PAK3: variants seen among roughly 807,000 people sequenced by gnomAD.
The protein encoded by PAK3 is serine/threonine-protein kinase PAK 3.
Under a neutral mutation model 41.0 loss-of-function variants are expected in PAK3, and 4 were observed. The ratio of observed to expected loss-of-function variants is 0.10; its 90% confidence interval spans 0.05 to 0.22. PAK3 has a LOEUF of 0.22. Ranked by LOEUF, PAK3 falls within the 10% of genes least tolerant of loss-of-function variation. PAK3 has a pLI of 1.00. For synonymous variants in PAK3, 146 were observed against 139.6 expected, an observed-to-expected ratio of 1.05 and a Z score of -0.32; for missense variants, 205 against 409.9, an observed-to-expected ratio of 0.50 and a Z score of 4.32.
chrX:111,082,987 G>T (rs976656780), intron 1 of PAK3, among the ~76,000 whole-genome samples: 3 of 112,137 alleles, frequency 2.7e-5, no homozygotes, highest in Non-Finnish European at 5.6e-5. Flanking sequence ...TGATGATTAG[G>T]ATATGGATTA....
chrX:111,045,391 C>T (rs890894625), intron 1 of PAK3, among the ~76,000 whole-genome samples: 3 of 111,834 alleles, frequency 2.7e-5, no homozygotes, highest in African/African-American at 9.7e-5. Context: ...ATTTTGAGCA[C>T]AGCATTTCTA....
At position 110,990,675 on chromosome X, in the gene PAK3, CA is replaced by C. The variant is rs201917150; in HGVS notation, c.-28+46048del. ...AAAAAAAGGATATTCTTTTACTGGT[CA>C]GGGGCAACAGCACAAATAAGGGCTG... On this transcript the variant is annotated intron_variant, in intron 1 of 14. Coordinates refer to the PAK3 transcript ENST00000425146. Among the ~76,000 whole-genome samples the C allele has an allele frequency of 5.5e-4, 61 of 110,436 alleles. No homozygotes were observed. The East Asian group carries it at 0.015, about 27-fold the overall frequency.
chrX:111,091,883 C>CT (rs1025401535), upstream of PAK3, among the ~76,000 whole-genome samples: 7 of 110,312 alleles, frequency 6.3e-5, no homozygotes, highest in East Asian at 2.0e-3. Context: ...AGTGGGGACA[C>CT]TTTTTTTTTA....
chrX:110,982,882 T>C (rs1388901748), intron 1 of PAK3, among the ~76,000 whole-genome samples: 3 of 109,850 alleles, frequency 2.7e-5, no homozygotes, highest in African/African-American at 1.0e-4. Flanking sequence ...TGAGAAACAC[T>C]GGAGGAAGTG....
Position 111,160,573 on chromosome X carries a change from A to G in PAK3, c.469-2342A>G, listed in dbSNP as rs374570885. On this transcript the variant is annotated intron_variant, in intron 8 of 17. Coordinates refer to ENST00000372007, the MANE Select transcript of PAK3 (RefSeq NM_002578.5). ...GTTGGTGTGCTGCACCCATTAACTC[A>G]TCATTTAGCATTAGGTATATCACCT... Among the ~76,000 whole-genome samples the G allele has an allele frequency of 3.9e-3, 423 of 108,773 alleles. 8 individuals are homozygous for G. The highest frequency in any genetic ancestry group is 0.037 in the East Asian group (129 of 3,448). 94.5% of individuals were successfully genotyped at this position (108,773 alleles called of 115,157 possible). A position where few individuals can be genotyped will look rare whatever the true frequency, so the allele number is the denominator to read the frequency against.
intron 16 of PAK3, among the ~76,000 whole-genome samples, chrX:111,215,438 C>A (rs1569472703): frequency 9.4e-6 from 1 of 105,937 alleles, no homozygotes; most frequent in Non-Finnish European, 1.9e-5. Context: ...ACTCTGGAGG[C>A]TGAGGCGGGA....
At chrX:111,054,396 T>C (rs1317515688) in intron 1 of PAK3, among the ~76,000 whole-genome samples, 1 of 112,431 alleles carries the variant, frequency 8.9e-6, no homozygotes, top group Admixed American at 9.4e-5. Flanking sequence ...ACCAATCAAA[T>C]GATTTTTAAA....
rs138939601 is a variant in PAK3, at chrX:111,179,529, A to G, written c.830+6448A>G. Among the ~76,000 whole-genome samples, 672 of 111,745 alleles carry G rather than the reference A, an allele frequency of 6.0e-3. 8 individuals are homozygous for G. Among genetic ancestry groups the G allele is most frequent in the African/African-American group, 0.02 (626 of 30,900 alleles). ...TAAATATTTATCAACAATTTTTAAT[A>G]AAATCACAATGCCATTACATCTACA... On this transcript the variant is annotated intron_variant, in intron 11 of 17. Coordinates refer to ENST00000372007, the MANE Select transcript of PAK3 (RefSeq NM_002578.5).
At chrX:111,165,845 T>A (rs1043427249) in intron 10 of PAK3, among the ~76,000 whole-genome samples, 6 of 112,248 alleles carry the variant, frequency 5.3e-5, no homozygotes, top group Non-Finnish European at 7.5e-5. Flanking sequence ...AAAATCTTGT[T>A]TTGCTTGTAA....
intron 1 of PAK3, among the ~76,000 whole-genome samples, chrX:110,998,353 T>A (rs1332429042): frequency 8.9e-6 from 1 of 111,960 alleles, no homozygotes; most frequent in East Asian, 2.8e-4. Context: ...GAGAAGGTGA[T>A]TCAAGGAAGA....
In PAK3 at chrX:111,009,485, A is replaced by C. The variant is rs1321250538; in HGVS notation, c.-28+64857A>C. Among the ~76,000 whole-genome samples, 8 of 24,691 alleles carry C rather than the reference A, an allele frequency of 3.2e-4. No homozygotes were observed. In the Admixed American group the frequency reaches 6.8e-3, roughly 21 times the overall value. 21.4% of individuals were successfully genotyped at this position (24,691 alleles called of 115,157 possible). ...ACAGCACAATGTCAGCTGCCCATTG[A>C]CCTTAGTCTTCGTGGCCCCAGGGTC... On this transcript the variant is annotated intron_variant, in intron 1 of 14. Coordinates refer to the PAK3 transcript ENST00000425146.
chrX:110,962,932 CA>C (rs1394100385), intron 1 of PAK3, among the ~76,000 whole-genome samples: 1 of 111,802 alleles, frequency 8.9e-6, no homozygotes, highest in Non-Finnish European at 1.9e-5. Context: ...CGTTTGGTTG[CA>C]AGGCCCAGAA....
chrX:111,204,511 C>T (rs2094718243), intron 16 of PAK3, among the ~76,000 whole-genome samples: 1 of 111,416 alleles, frequency 9.0e-6, no homozygotes, highest in South Asian at 3.8e-4. Flanking sequence ...TGCCCATGCA[C>T]GTGTTTTATC....
At chrX:111,066,461 T>G (rs2092702296) in intron 1 of PAK3, among the ~76,000 whole-genome samples, 2 of 112,279 alleles carry the variant, frequency 1.8e-5, no homozygotes, top group Admixed American at 1.9e-4. Context: ...TTTAAAAATT[T>G]ATTGACACTT....
intron 1 of PAK3, among the ~76,000 whole-genome samples, chrX:110,978,455 C>T (rs1480971292): frequency 2.7e-5 from 3 of 110,021 alleles, no homozygotes; most frequent in Non-Finnish European, 3.8e-5. Context: ...TATTATTTTT[C>T]TTATTTAACC....
intron 1 of PAK3, among the ~76,000 whole-genome samples, chrX:111,056,335 T>G (rs2092604935): frequency 8.9e-6 from 1 of 112,076 alleles, no homozygotes; most frequent in African/African-American, 3.2e-5. Flanking sequence ...AAAAGTCAAG[T>G]AGATAAACTC....
intron 4 of PAK3, among the ~76,000 whole-genome samples, chrX:111,111,643 A>G (rs968758150): frequency 1.8e-5 from 2 of 112,097 alleles, no homozygotes; most frequent in African/African-American, 3.2e-5. Flanking sequence ...TCAGCACACT[A>G]ACTTCATTAG....
intron 16 of PAK3, among the ~76,000 whole-genome samples, chrX:111,197,697 C>CT (rs201901390): frequency 6.5e-4 from 68 of 105,374 alleles, no homozygotes; most frequent in African/African-American, 1.1e-3. Context: ...TATTTTTTGA[C>CT]TTTTTTTTTT....
intron 1 of PAK3, among the ~76,000 whole-genome samples, chrX:110,983,350 G>A (rs1189707173): frequency 9.1e-6 from 1 of 110,485 alleles, no homozygotes; most frequent in Non-Finnish European, 1.9e-5. Context: ...ATGGCGTTCT[G>A]GGCTGCCTGG....
Sources: gnomAD v4.1 joint callset for allele counts (sites outside exome capture counted in the v4.1 genomes callset) on GRCh38, gnomAD v4.1.1 for gene constraint, MANE v1.5 for transcripts, NCBI Gene and HGNC (gene_info 2026-07-23, HGNC 2026-07-21) for gene names.